Variants in ZFPM2 observed in about 807,000 individuals in gnomAD.
ZFPM2 encodes zinc finger protein ZFPM2.
ZFPM2 carries 20 observed loss-of-function variants against 98.6 expected under a neutral mutation model. The observed-to-expected ratio is 0.20, with a 90% CI of 0.14 to 0.29. The LOEUF (loss-of-function observed/expected upper bound fraction) is 0.29, where lower values mean the gene tolerates loss of function less well. ZFPM2 is among the 10% of genes least tolerant of loss of function. The probability of loss-of-function intolerance (pLI) is 1.00; values close to 1 mark genes in which losing one functional copy is unlikely to be tolerated. For missense variants in ZFPM2, 1,310 were observed against 1,388.6 expected, an observed-to-expected ratio of 0.94 and a Z score of 0.90; for synonymous variants, 518 against 502.7, an observed-to-expected ratio of 1.03 and a Z score of -0.41.
intron 4 of ZFPM2, among the ~76,000 whole-genome samples, chr8:105,594,756 G>A (rs138955614): frequency 1.3e-5 from 2 of 152,032 alleles, no homozygotes; most frequent in East Asian, 3.9e-4. Flanking sequence ...TTTAATAATG[G>A]CCCTTTTCAG....
Position 105,511,275 on chromosome 8 carries a change from A to G in ZFPM2, c.302-50088A>G, listed in dbSNP as rs1194113177. On this transcript the variant is annotated intron_variant, in intron 3 of 7. Coordinates refer to ENST00000407775, the MANE Select transcript of ZFPM2 (RefSeq NM_012082.4). ...TCTTTCACTTTCTATCTTATAGACA[A>G]ATCTTCTCCCAGGAAAGATTCCAAT... 2.6e-5 allele frequency among the ~76,000 whole-genome samples: 4 copies of G among 152,212 alleles called. No individual in the cohort carries two copies. In the East Asian group the frequency reaches 5.8e-4, roughly 22 times the overall value.
chr8:105,427,198 A>G (rs1437271637), intron 2 of ZFPM2, among the ~76,000 whole-genome samples: 15 of 152,190 alleles, frequency 9.9e-5, no homozygotes, highest in Non-Finnish European at 1.5e-4. Context: ...ATCGGAAGGT[A>G]TACAAATTTG....
chr8:105,663,257 A>G (rs1817427244), intron 5 of ZFPM2, among the ~76,000 whole-genome samples: 1 of 152,212 alleles, frequency 6.6e-6, no homozygotes. Context: ...GGAATAAGCT[A>G]ACAGTCACGC....
At chr8:105,658,720 T>C (rs1478930685) in intron 5 of ZFPM2, among the ~76,000 whole-genome samples, 3 of 152,152 alleles carry the variant, frequency 2.0e-5, no homozygotes, top group African/African-American at 7.2e-5. Context: ...TTAAAGATTT[T>C]CTACTGGTCT....
intron 1 of ZFPM2, among the ~76,000 whole-genome samples, chr8:105,343,008 T>A (rs1812457787): frequency 6.6e-6 from 1 of 151,996 alleles, no homozygotes. Context: ...CCTGAAAACA[T>A]TGAGTTATTT....
chr8:105,534,054 T>G (rs1359765066), intron 3 of ZFPM2, among the ~76,000 whole-genome samples: 15 of 16,342 alleles, frequency 9.2e-4, no homozygotes, highest in Non-Finnish European at 8.2e-4. Context: ...CTTCCTCCCT[T>G]CCTCCCTCCC....
intron 3 of ZFPM2, among the ~76,000 whole-genome samples, chr8:105,469,216 TG>T (rs1231119580): frequency 6.6e-6 from 1 of 152,238 alleles, no homozygotes; most frequent in Admixed American, 6.5e-5. Context: ...GCTTTAATGT[TG>T]CTTTTAATTT....
intron 3 of ZFPM2, among the ~76,000 whole-genome samples, chr8:105,499,938 G>C (rs1813556183): frequency 6.6e-6 from 1 of 152,040 alleles, no homozygotes; most frequent in Admixed American, 6.6e-5. Flanking sequence ...TCATAAATTA[G>C]GTTAAAAATA....
At chr8:105,458,758 A>G (rs1457357395) in intron 3 of ZFPM2, among the ~76,000 whole-genome samples, 2 of 152,300 alleles carry the variant, frequency 1.3e-5, no homozygotes, top group East Asian at 3.9e-4. Flanking sequence ...AAGAAAAAAG[A>G]GAAGCATTTT....
intron 3 of ZFPM2, among the ~76,000 whole-genome samples, chr8:105,465,361 A>G (rs1488688739): frequency 6.6e-6 from 1 of 152,036 alleles, no homozygotes; most frequent in Non-Finnish European, 1.5e-5. Flanking sequence ...CAAATTGAAT[A>G]TAGAACCATA....
chr8:105,390,598 C>A (rs1052562171), intron 1 of ZFPM2, among the ~76,000 whole-genome samples: 2 of 152,154 alleles, frequency 1.3e-5, no homozygotes, highest in African/African-American at 4.8e-5. Context: ...CCCGTATCCT[C>A]CTCTACAGTG....
chr8:105,590,096 G>A (rs1466729924), intron 4 of ZFPM2, among the ~76,000 whole-genome samples: 2 of 152,136 alleles, frequency 1.3e-5, no homozygotes, highest in East Asian at 1.9e-4. Context: ...ATTAGCCTCT[G>A]AATGGCTCTC....
intron 3 of ZFPM2, among the ~76,000 whole-genome samples, chr8:105,512,681 G>T (rs1813840897): frequency 6.6e-6 from 1 of 152,078 alleles, no homozygotes. Flanking sequence ...AAATTTCAAT[G>T]ATTTAATATG....
At chr8:105,719,610 A>G (rs1811608861) in intron 5 of ZFPM2, among the ~76,000 whole-genome samples, 1 of 151,934 alleles carries the variant, frequency 6.6e-6, no homozygotes, top group Non-Finnish European at 1.5e-5. Flanking sequence ...AACCTTAATC[A>G]TAACATTTAG....
At position 105,742,281 on chromosome 8, in the gene ZFPM2, G is replaced by A. The variant is rs186693584; in HGVS notation, c.533-46437G>A. Among the ~76,000 whole-genome samples, 12 of 151,544 alleles carry A rather than the reference G, an allele frequency of 7.9e-5. No homozygotes were observed. In the East Asian group the frequency reaches 2.4e-3, roughly 30 times the overall value. On this transcript the variant is annotated intron_variant, in intron 5 of 7. Transcript: ENST00000407775. Reference sequence around the variant, plus strand: ...TAGTCCCAGCTACTTGGGATGCTGAGGTGGGAAGATCACTTGAGCCCAGTA... The same window carrying A: ...TAGTCCCAGCTACTTGGGATGCTGAAGTGGGAAGATCACTTGAGCCCAGTA...
At chr8:105,668,704 C>A (rs1471002444) in intron 5 of ZFPM2, among the ~76,000 whole-genome samples, 1 of 152,046 alleles carries the variant, frequency 6.6e-6, no homozygotes, top group Non-Finnish European at 1.5e-5. Context: ...AATCATTATA[C>A]GTATTTAATT....
chr8:105,347,390 T>G (rs1299437812), intron 1 of ZFPM2, among the ~76,000 whole-genome samples: 1 of 152,186 alleles, frequency 6.6e-6, no homozygotes, highest in Non-Finnish European at 1.5e-5. Context: ...TTACTTTTAC[T>G]CTATGGAGTT....
At chr8:105,336,223 C>T (rs544747581) in intron 1 of ZFPM2, among the ~76,000 whole-genome samples, 1 of 151,724 alleles carries the variant, frequency 6.6e-6, no homozygotes, top group South Asian at 2.1e-4. Flanking sequence ...TAATCCGTGA[C>T]TCAGTTTCCC....
At chr8:105,539,697 T>G (rs1814536613) in intron 3 of ZFPM2, among the ~76,000 whole-genome samples, 1 of 152,154 alleles carries the variant, frequency 6.6e-6, no homozygotes, top group Admixed American at 6.5e-5. Flanking sequence ...TATTGCAAAG[T>G]TATAATTATA....
Sources: allele counts gnomAD v4.1 joint callset (sites outside exome capture counted in the v4.1 genomes callset), GRCh38; gene constraint gnomAD v4.1.1; transcripts MANE v1.5; gene names NCBI Gene and HGNC (gene_info 2026-07-23, HGNC 2026-07-21).